Variants in CCNB3 observed in about 807,000 individuals in gnomAD.
CCNB3 encodes G2/mitotic-specific cyclin-B3.
CCNB3 carries 12 observed loss-of-function variants against 68.0 expected under a neutral mutation model. The ratio of observed to expected loss-of-function variants is 0.18; its 90% CI spans 0.11 to 0.29. The LOEUF is 0.29. Ranked by LOEUF, CCNB3 falls within the 10% of genes least tolerant of loss-of-function variation. CCNB3 has a pLI of 1.00. For missense variants in CCNB3, 904 were observed against 993.1 expected (o/e 0.91, Z 1.21); for synonymous variants, 354 against 388.9 (o/e 0.91, Z 1.06).
intron 1 of CCNB3, among the ~76,000 whole-genome samples, chrX:50,214,850 C>T (rs1308127601): frequency 4.7e-5 from 5 of 106,364 alleles, no homozygotes; most frequent in Admixed American, 1.0e-4. Flanking sequence ...TGAGCCACCA[C>T]ACCTGGCCCA....
chrX:50,317,749 T>C (rs1311419339), intron 8 of CCNB3, among the ~76,000 whole-genome samples: 1 of 109,862 alleles, frequency 9.1e-6, no homozygotes, highest in Non-Finnish European at 1.9e-5. Context: ...TTTGTATTTT[T>C]AGTAGAGATG....
intron 1 of CCNB3, among the ~76,000 whole-genome samples, chrX:50,227,674 AGAAT>A (rs1935912974): frequency 2.1e-5 from 2 of 96,012 alleles, no homozygotes; most frequent in African/African-American, 7.3e-5. Flanking sequence ...ATATATAGAG[AGAAT>A]ATATATATAA....
intron 1 of CCNB3, among the ~76,000 whole-genome samples, chrX:50,280,023 T>C (rs1227762192): frequency 3.6e-5 from 3 of 83,711 alleles, no homozygotes; most frequent in African/African-American, 1.4e-4. Context: ...ATATATAGAA[T>C]ATATATAAAT....
chrX:50,205,023 G>GTA (rs1935330015), intron 1 of CCNB3, 73 bp downstream of exon 1: 2 of 112,001 alleles, frequency 1.8e-5, no homozygotes, highest in South Asian at 7.4e-4. Context: ...AAATATAGAA[G>GTA]TATATCCTGT....
intron 4 of CCNB3, among the ~76,000 whole-genome samples, chrX:50,291,867 A>G (rs1219097641): frequency 8.9e-6 from 1 of 111,792 alleles, no homozygotes; most frequent in Non-Finnish European, 1.9e-5. Context: ...AGAGTTTCCT[A>G]TTGGACTGTA....
chrX:50,328,800 C>A (rs1366259521), intron 8 of CCNB3, among the ~76,000 whole-genome samples: 1 of 112,105 alleles, frequency 8.9e-6, no homozygotes, highest in Non-Finnish European at 1.9e-5. Flanking sequence ...TTATTTACTT[C>A]CAAGATACAA....
rs1557214785 is a variant in CCNB3 at position 50,310,964 on chromosome X, C to T, written c.2795C>T (p.Ala932Val). The T allele has an allele frequency of 3.3e-6, 4 of 1,212,060 alleles. No individual in the cohort carries two copies. Among genetic ancestry groups the T allele is most frequent in the Non-Finnish European group, 1.1e-6 (1 of 895,596 alleles). The change falls in exon 6 of 13, where the codon GCT becomes GTT. Residue 932 changes from alanine to valine, a missense_variant. Coordinates refer to ENST00000376042, the MANE Select transcript of CCNB3 (RefSeq NM_033031.3). ...NEAVLFEDMI[A>V]LNEKPTTGKE... ...GCAGTCCTCTTCGAAGATATGATAGCTCTGAATGAGAAACCCACCACTGGG... is the reference window on the plus strand; with the variant it reads ...GCAGTCCTCTTCGAAGATATGATAGTTCTGAATGAGAAACCCACCACTGGG...
In CCNB3 at chrX:50,307,657, G is replaced by A. The variant is rs782340136; in HGVS notation, c.336-848G>A. Among the ~76,000 whole-genome samples, 3 of 110,106 alleles carry A rather than the reference G, an allele frequency of 2.7e-5. No homozygotes were observed. In the South Asian group the frequency reaches 1.2e-3, roughly 43 times the overall value. ...TCCACTAAATCCATACCTATTAGGA[G>A]TTCTTTTCCCTTCCTAATCCCCCTT... On this transcript the variant is annotated intron_variant, in intron 5 of 12. Coordinates refer to ENST00000376042, the MANE Select transcript of CCNB3 (RefSeq NM_033031.3).
intron 1 of CCNB3, among the ~76,000 whole-genome samples, chrX:50,227,963 A>C (rs1449391376): frequency 7.7e-5 from 6 of 78,255 alleles, no homozygotes; most frequent in African/African-American, 3.0e-4. Flanking sequence ...GAATATATAT[A>C]TAAATATATA....
chrX:50,311,319 C>T lies in CCNB3; in HGVS notation c.3150C>T (p.Ile1050=). 8.3e-7 allele frequency: 1 copy of T among 1,211,536 alleles called. No individual in the cohort carries two copies. The highest frequency in any genetic ancestry group is 1.1e-6 in the Non-Finnish European group (1 of 895,480). Residue 1050 remains isoleucine (I), a synonymous_variant, in exon 6 of 13, where the codon ATC becomes ATT. Coordinates refer to ENST00000376042, the MANE Select transcript of CCNB3 (RefSeq NM_033031.3). ...KEDTFLETFL[I]PQIGTSPYVF... ...ACACCTTTCTGGAAACATTCTTGAT[C>T]CCCCAAATTGGAACCAGCCCATATG...
At chrX:50,279,529 A>G (rs1936050045) in intron 1 of CCNB3, among the ~76,000 whole-genome samples, 1 of 84,478 alleles carries the variant, frequency 1.2e-5, no homozygotes, top group South Asian at 5.4e-4. Flanking sequence ...ATAAAGATAT[A>G]TGAATATATA....
Position 50,346,642 on chromosome X carries a change from C to T in CCNB3, c.3655-10C>T. 8.3e-7 allele frequency: 1 copy of T among 1,203,473 alleles called. No homozygotes were observed. Among genetic ancestry groups the T allele is most frequent in the Non-Finnish European group, 1.1e-6 (1 of 890,667 alleles). On this transcript the variant is annotated splice_polypyrimidine_tract_variant and intron_variant, in intron 9 of 12. Coordinates refer to ENST00000376042, the MANE Select transcript of CCNB3 (RefSeq NM_033031.3). ...GTCTGGTTGTCACCTCCTCTCCTCT[C>T]CACCCATAGGAGCACAACTCACCTC...
intron 5 of CCNB3, among the ~76,000 whole-genome samples, chrX:50,306,808 C>T (rs1213881382): frequency 1.8e-5 from 2 of 110,989 alleles, no homozygotes; most frequent in African/African-American, 6.5e-5. Context: ...TTTTGCATTC[C>T]TGGTATAAAT....
intron 8 of CCNB3, among the ~76,000 whole-genome samples, chrX:50,328,425 C>T (rs1334743718): frequency 1.8e-5 from 2 of 111,490 alleles, no homozygotes; most frequent in African/African-American, 6.5e-5. Flanking sequence ...CATCACATGG[C>T]GAAAGCAGGA....
intron 8 of CCNB3, among the ~76,000 whole-genome samples, chrX:50,324,371 T>C (rs782563713): frequency 1.8e-5 from 2 of 112,388 alleles, no homozygotes; most frequent in Non-Finnish European, 3.8e-5. Context: ...TTCCTAAAAA[T>C]GTATCCATTT....
chrX:50,226,097 ATAG>A (rs1263983378), intron 1 of CCNB3, among the ~76,000 whole-genome samples: 152 of 84,008 alleles, frequency 1.8e-3, no homozygotes, highest in Non-Finnish European at 2.8e-3. Context: ...ATGAATATAT[ATAG>A]AATATGTATA....
chrX:50,346,319 T>G (rs1472654100), intron 9 of CCNB3, among the ~76,000 whole-genome samples: 1 of 112,227 alleles, frequency 8.9e-6, no homozygotes, highest in Non-Finnish European at 1.9e-5. Context: ...AGGCCTTAGA[T>G]TTCAACATTC....
In CCNB3 at chrX:50,351,707, C is replaced by G; in HGVS notation, c.*4C>G. ...GGCTCAGGGCCTGGTACTCTAGCAG[C>G]AGCCACAGGGCTAAGCATGCATGTT... On this transcript the variant is annotated 3_prime_UTR_variant, in exon 13 of 13. Transcript: ENST00000376042. 1 of 1,186,660 alleles carries G rather than the reference C, an allele frequency of 8.4e-7. No homozygotes were observed. The highest frequency in any genetic ancestry group is 1.1e-6 in the Non-Finnish European group (1 of 873,003).
intron 3 of CCNB3, 37 bp downstream of exon 3, chrX:50,285,296 TA>T: frequency 9.7e-7 from 1 of 1,035,708 alleles, no homozygotes; most frequent in Non-Finnish European, 1.4e-6. Context: ...ATATCTTTGG[TA>T]GTCTCTTCCT....
Sources: allele counts gnomAD v4.1 joint callset (sites outside exome capture counted in the v4.1 genomes callset), GRCh38; gene constraint gnomAD v4.1.1; transcripts MANE v1.5; gene names NCBI Gene and HGNC (gene_info 2026-07-23, HGNC 2026-07-21).